TMEM175: variants seen among roughly 807,000 people sequenced by gnomAD.
TMEM175 encodes the protein transmembrane protein 175.
Under a neutral mutation model 36.5 loss-of-function variants are expected in TMEM175, and 36 were observed. The ratio of observed to expected loss-of-function variants is 0.99; its 90% confidence interval spans 0.76 to 1.30. The LOEUF (loss-of-function observed/expected upper bound fraction) is 1.30. TMEM175 is among the 50% of genes most tolerant of loss of function. TMEM175 has a pLI of 0.00. For missense variants in TMEM175, 705 were observed against 692.8 expected, an observed-to-expected ratio of 1.02 and a Z score of -0.20; for synonymous variants, 339 against 313.4, an observed-to-expected ratio of 1.08 and a Z score of -0.86.
intron 10 of TMEM175, chr4:956,747 G>A (rs1027791949): frequency 3.8e-5 from 12 of 319,454 alleles, no homozygotes; most frequent in East Asian, 2.8e-4. Context: ...CCCGGCCATC[G>A]TAATGTTTGA....
At chr4:941,765 G>A (rs1163471781) in intron 1 of TMEM175, among the ~76,000 whole-genome samples, 1 of 151,758 alleles carries the variant, frequency 6.6e-6, no homozygotes, top group Admixed American at 6.6e-5. Context: ...AACCTAAAAC[G>A]GCTTAAAGAA....
chr4:958,283 C>A lies in TMEM175; in HGVS notation c.1302C>A (p.Phe434Leu), dbSNP rs147386188. The A allele has an allele frequency of 1.2e-6, 2 of 1,606,224 alleles. No homozygotes were observed. The highest frequency in any genetic ancestry group is 1.3e-5 in the African/African-American group (1 of 74,920). Residue 434 changes from phenylalanine to leucine, a missense_variant, in exon 11 of 11, where the codon TTC becomes TTA. Phe to Leu is a conservative substitution (Grantham distance 22, BLOSUM62 0). Coordinates refer to ENST00000264771, the MANE Select transcript of TMEM175 (RefSeq NM_032326.4). Reference protein sequence around the residue: ...ALYPCASLLAFASTCLLSRFS... With the variant: ...ALYPCASLLALASTCLLSRFS... ...ACCCCTGTGCCAGCCTGCTGGCCTT[C>A]GCCTCCACCTGCCTGCTGAGCAGGT...
intron 8 of TMEM175, among the ~76,000 whole-genome samples, chr4:954,236 C>T (rs1332319701): frequency 3.3e-5 from 5 of 152,190 alleles, no homozygotes; most frequent in African/African-American, 1.2e-4. Context: ...ATCCACCCAC[C>T]TCAGCCTCCC....
intron 10 of TMEM175, chr4:956,461 TTG>T: frequency 7.9e-7 from 1 of 1,273,886 alleles, no homozygotes. Context: ...TTTTTTTTTT[TTG>T]AGACAGTCCT....
chr4:956,465 G>C, intron 10 of TMEM175: 1 of 1,002,778 alleles, frequency 1.0e-6, no homozygotes, highest in Non-Finnish European at 1.3e-6. Flanking sequence ...TTTTTTTTGA[G>C]ACAGTCCTGC....
At chr4:954,838 A>G (rs775382430) in intron 8 of TMEM175, among the ~76,000 whole-genome samples, 3 of 152,146 alleles carry the variant, frequency 2.0e-5, no homozygotes, top group Non-Finnish European at 2.9e-5. Context: ...ATCCTAGTGG[A>G]TATGAAGAAT....
intron 1 of TMEM175, among the ~76,000 whole-genome samples, chr4:941,146 G>A (rs1230135294): frequency 6.6e-6 from 1 of 150,590 alleles, no homozygotes. Context: ...GGGAGGCCAA[G>A]GTGGGCAGAT....
Position 951,736 on chromosome 4 carries a change from CT to C in TMEM175, c.378+20del. On this transcript the variant is annotated intron_variant, in intron 6 of 10. Coordinates refer to ENST00000264771, the MANE Select transcript of TMEM175 (RefSeq NM_032326.4). ...TTACACGGTGAGCAACACCAGGCCC[CT>C]GACACCCTGAGGCTTTGCTGGGCAC... 1 of 1,613,828 alleles carries C rather than the reference CT, an allele frequency of 6.2e-7. No individual in the cohort carries two copies. The highest frequency in any genetic ancestry group is 8.5e-7 in the Non-Finnish European group (1 of 1,179,692).
intron 1 of TMEM175, among the ~76,000 whole-genome samples, chr4:933,968 T>A (rs1346240613): frequency 6.6e-6 from 1 of 152,264 alleles, no homozygotes; most frequent in Non-Finnish European, 1.5e-5. Flanking sequence ...AATAGTTCAT[T>A]GTAGTGAAAA....
rs773595955 is a variant in TMEM175 at position 953,324 on chromosome 4, G to T, written c.597G>T (p.Ala199=). Residue 199 remains alanine, a synonymous_variant, in exon 8 of 11, where the codon GCG becomes GCT. Coordinates refer to ENST00000264771, the MANE Select transcript of TMEM175 (RefSeq NM_032326.4). ...AAGGCCCGGCCCTGTGCTTTGCAGC[G>T]GCCATCTTCTCTCTCTTCTTTGTCC... ...VLQGPALCFA[A]AIFSLFFVPL... 6.2e-7 allele frequency: 1 copy of T among 1,613,568 alleles called. No individual in the cohort carries two copies. Among genetic ancestry groups the T allele is most frequent in the South Asian group, 1.1e-5 (1 of 91,018 alleles).
intron 6 of TMEM175, 180 bp downstream of exon 6, chr4:951,897 G>A: frequency 3.0e-6 from 2 of 676,598 alleles, no homozygotes; most frequent in Non-Finnish European, 5.0e-6. Flanking sequence ...AGGCTGGCGG[G>A]GAGGGGAGGC....
chr4:958,160 G>A lies in TMEM175; in HGVS notation c.1179G>A (p.Met393Ile), dbSNP rs1273382053. Residue 393 changes from methionine (M) to isoleucine (I), a missense_variant, in exon 11 of 11, where the codon ATG becomes ATA. Coordinates refer to ENST00000264771, the MANE Select transcript of TMEM175 (RefSeq NM_032326.4). The part of the protein sequence containing the change: ...IFLASIFQLA[M>I]WTTALLHQAE... ...TGGCCAGCATCTTCCAGCTGGCCAT[G>A]TGGACCACGGCGCTGCTGCACCAGG... 6 of 1,603,448 alleles carry A rather than the reference G, an allele frequency of 3.7e-6. No homozygotes were observed. The highest frequency in any genetic ancestry group is 2.2e-5 in the South Asian group (2 of 91,000).
At chr4:952,098 G>A in intron 6 of TMEM175, 4 of 591,376 alleles carry the variant, frequency 6.8e-6, no homozygotes, top group Non-Finnish European at 1.2e-5. Flanking sequence ...GTGCGGGGCT[G>A]TGTGCCACAA....
chr4:948,723 C>T, intron 3 of TMEM175: 7 of 1,143,632 alleles, frequency 6.1e-6, no homozygotes, highest in Non-Finnish European at 6.7e-6. Context: ...CTGGGGCCCA[C>T]ACCTGCCTGG....
intron 1 of TMEM175, among the ~76,000 whole-genome samples, chr4:940,977 G>A (rs1241375286): frequency 1.3e-5 from 2 of 150,346 alleles, no homozygotes; most frequent in African/African-American, 4.9e-5. Flanking sequence ...CTGCACTCCA[G>A]CCTGGGTGAC....
intron 10 of TMEM175, chr4:956,168 C>T (rs1729608073): frequency 2.8e-6 from 2 of 715,922 alleles, no homozygotes; most frequent in South Asian, 1.9e-5. Context: ...CAGCAGCCAA[C>T]TGCTCTCCTC....
At chr4:950,726 G>A (rs1728765500) in intron 4 of TMEM175, among the ~76,000 whole-genome samples, 1 of 149,130 alleles carries the variant, frequency 6.7e-6, no homozygotes, top group African/African-American at 2.5e-5. Flanking sequence ...CGGTGCAGTA[G>A]GTGGAGGTGT....
chr4:933,617 G>A (rs1726383058), intron 1 of TMEM175, among the ~76,000 whole-genome samples: 1 of 152,154 alleles, frequency 6.6e-6, no homozygotes, highest in Non-Finnish European at 1.5e-5. Context: ...GTCCCTTGAG[G>A]TAAGACACAG....
At chr4:938,621 A>G (rs1727083260) in intron 1 of TMEM175, among the ~76,000 whole-genome samples, 1 of 152,264 alleles carries the variant, frequency 6.6e-6, no homozygotes, top group Admixed American at 6.5e-5. Flanking sequence ...CGTACTAGCA[A>G]TAAATATTGG....
Sources: gnomAD v4.1 joint callset for allele counts (sites outside exome capture counted in the v4.1 genomes callset) on GRCh38, gnomAD v4.1.1 for gene constraint, MANE v1.5 for transcripts, NCBI Gene and HGNC (gene_info 2026-07-23, HGNC 2026-07-21) for gene names.